SLC30A8: variants seen among roughly 807,000 people sequenced by gnomAD.
The protein encoded by SLC30A8 is solute carrier family 30 member 8, also known as proton-coupled zinc antiporter SLC30A8.
SLC30A8 carries 27 observed loss-of-function variants against 36.9 expected under a neutral mutation model. That is an observed-to-expected ratio of 0.73 (90% confidence interval 0.54 to 1.01). SLC30A8 has a LOEUF of 1.01. SLC30A8 is among the 50% of genes least tolerant of loss of function. The pLI is 0.00. For missense variants in SLC30A8, 439 were observed against 452.0 expected (o/e 0.97, Z 0.26); for synonymous variants, 164 against 172.4 (o/e 0.95, Z 0.38).
chr8:117,104,547 A>G (rs568567248), intron 2 of SLC30A8, among the ~76,000 whole-genome samples: 1 of 152,226 alleles, frequency 6.6e-6, no homozygotes, highest in East Asian at 1.9e-4. Context: ...AAATTTCCCT[A>G]CAGTCCTCCT....
Position 117,157,796 on chromosome 8 carries a change from C to T in SLC30A8, c.524C>T (p.Ala175Val), listed in dbSNP as rs748727258. 14 of 1,613,964 alleles carry T rather than the reference C, an allele frequency of 8.7e-6. No individual in the cohort carries two copies. In the Admixed American group the frequency reaches 1.0e-4, roughly 12 times the overall value. ...RLLYPDYQIQ[A>V]TVMIIVSSCA... The stretch of plus-strand genomic sequence containing the variant: ...CTGTATCCTGATTACCAGATCCAGG[C>T]GACTGTGATGATCATCGTTTCCAGC... The change falls in exon 4 of 8, where the codon GCG (alanine) becomes GTG (valine). Residue 175 changes from alanine to valine, a missense_variant. Transcript: ENST00000456015.
intron 1 of SLC30A8, among the ~76,000 whole-genome samples, chr8:117,139,209 T>C (rs1821520270): frequency 6.6e-6 from 1 of 152,074 alleles, no homozygotes; most frequent in African/African-American, 2.4e-5. Context: ...CACAATTATA[T>C]GTTGAAGCAC....
chr8:117,138,607 A>G (rs1821480195), intron 1 of SLC30A8, among the ~76,000 whole-genome samples: 1 of 152,042 alleles, frequency 6.6e-6, no homozygotes, highest in Non-Finnish European at 1.5e-5. Flanking sequence ...CAGGACCAAG[A>G]GGACTATGGT....
intron 1 of SLC30A8, among the ~76,000 whole-genome samples, chr8:116,973,162 G>A (rs1814848983): frequency 6.6e-6 from 1 of 152,238 alleles, no homozygotes; most frequent in Admixed American, 6.5e-5. Flanking sequence ...GCCATCAGAT[G>A]TGGTACCTTG....
At chr8:117,009,385 C>A (rs926083693) in intron 1 of SLC30A8, among the ~76,000 whole-genome samples, 1 of 152,156 alleles carries the variant, frequency 6.6e-6, no homozygotes. Flanking sequence ...TCTGAAAATT[C>A]TAAAAGGACC....
At chr8:116,977,616 A>G (rs1217274421) in intron 1 of SLC30A8, among the ~76,000 whole-genome samples, 2 of 151,052 alleles carry the variant, frequency 1.3e-5, no homozygotes, top group East Asian at 2.0e-4. Flanking sequence ...GGTTCAAGCA[A>G]TTCTCCTAAC....
At chr8:116,968,759 A>T (rs1000813108) in intron 1 of SLC30A8, among the ~76,000 whole-genome samples, 1 of 151,804 alleles carries the variant, frequency 6.6e-6, no homozygotes, top group Non-Finnish European at 1.5e-5. Context: ...ATTTTTTGAG[A>T]TGGAGTCTCG....
At chr8:117,121,229 T>C (rs1161169042) in intron 2 of SLC30A8, among the ~76,000 whole-genome samples, 1 of 151,902 alleles carries the variant, frequency 6.6e-6, no homozygotes, top group African/African-American at 2.4e-5. Flanking sequence ...ACCCAAGATG[T>C]GGAAGTAGCC....
intron 1 of SLC30A8, among the ~76,000 whole-genome samples, chr8:117,025,943 A>T (rs1816858297): frequency 6.6e-6 from 1 of 152,222 alleles, no homozygotes; most frequent in African/African-American, 2.4e-5. Context: ...CTTTTAAAGC[A>T]TCCCCTGGGC....
chr8:117,085,334 T>C (rs1586485421), intron 2 of SLC30A8, among the ~76,000 whole-genome samples: 1 of 152,164 alleles, frequency 6.6e-6, no homozygotes. Flanking sequence ...CCTCCTGACC[T>C]TCTACTCAGT....
rs185484175 is a variant in SLC30A8 at position 117,157,506 on chromosome 8, T to A, written c.419-185T>A. 1.1e-3 allele frequency among the ~76,000 whole-genome samples: 165 copies of A among 152,340 alleles called. 2 individuals carry two copies. The highest frequency in any genetic ancestry group is 3.6e-3 in the African/African-American group (148 of 41,574). ...GACTCAGATGCTGGTGTTTTATGAATGCAACATTAAAATACTTTCTCTTAG... is the reference window on the plus strand; with the variant it reads ...GACTCAGATGCTGGTGTTTTATGAAAGCAACATTAAAATACTTTCTCTTAG... On this transcript the variant is annotated intron_variant, in intron 3 of 7. Coordinates refer to ENST00000456015, the MANE Select transcript of SLC30A8 (RefSeq NM_173851.3).
intron 1 of SLC30A8, among the ~76,000 whole-genome samples, chr8:116,980,224 G>T (rs1815206108): frequency 6.6e-6 from 1 of 152,064 alleles, no homozygotes; most frequent in South Asian, 2.1e-4. Context: ...GTAGTTTTGG[G>T]CTGTTTAGTT....
intron 2 of SLC30A8, among the ~76,000 whole-genome samples, chr8:117,098,908 C>T (rs541344807): frequency 7.9e-5 from 12 of 152,058 alleles, no homozygotes; most frequent in Admixed American, 7.9e-4. Flanking sequence ...TCATAGTTTT[C>T]TGTTACAATG....
At chr8:117,076,129 A>G (rs1312905685) in intron 2 of SLC30A8, among the ~76,000 whole-genome samples, 1 of 152,166 alleles carries the variant, frequency 6.6e-6, no homozygotes, top group Non-Finnish European at 1.5e-5. Context: ...TAAATAGTAC[A>G]ATTTTCTGTA....
chr8:117,104,946 C>T, intron 2 of SLC30A8, among the ~76,000 whole-genome samples: 1 of 152,064 alleles, frequency 6.6e-6, no homozygotes, highest in Non-Finnish European at 1.5e-5. Flanking sequence ...ATTGTCATGG[C>T]ACTGGTGAGG....
intron 6 of SLC30A8, chr8:117,164,282 T>G (rs1398402258): frequency 6.6e-6 from 1 of 152,166 alleles, no homozygotes; most frequent in African/African-American, 2.4e-5. Context: ...AAATAAAATA[T>G]GGGCTGGGCA....
intron 6 of SLC30A8, chr8:117,163,960 A>G (rs1822927267): frequency 6.2e-6 from 1 of 160,632 alleles, no homozygotes; most frequent in African/African-American, 2.4e-5. Flanking sequence ...ATTGAGCCCC[A>G]ACTCTGTGCT....
chr8:117,160,060 A>G (rs1822697611), intron 4 of SLC30A8, among the ~76,000 whole-genome samples: 3 of 152,212 alleles, frequency 2.0e-5, no homozygotes, highest in Non-Finnish European at 4.4e-5. Context: ...TTCTCCAAGA[A>G]CTGGGATTAC....
At chr8:117,045,718 T>C (rs1273692938) in intron 2 of SLC30A8, among the ~76,000 whole-genome samples, 1 of 152,216 alleles carries the variant, frequency 6.6e-6, no homozygotes, top group Non-Finnish European at 1.5e-5. Context: ...GCAGCAGTCC[T>C]TTCAAAGCGT....
Sources: allele counts gnomAD v4.1 joint callset (sites outside exome capture counted in the v4.1 genomes callset), GRCh38; gene constraint gnomAD v4.1.1; transcripts MANE v1.5; gene names NCBI Gene and HGNC (gene_info 2026-07-23, HGNC 2026-07-21).